CRISP2: variants seen among roughly 807,000 people sequenced by gnomAD.
CRISP2 encodes the protein cysteine-rich secretory protein 2.
Under a neutral mutation model 31.7 loss-of-function variants are expected in CRISP2, and 29 were observed. That is an observed-to-expected ratio of 0.92 (90% CI 0.68 to 1.25). The LOEUF (loss-of-function observed/expected upper bound fraction) is 1.25, where lower values mean the gene tolerates loss of function less well. Among genes scored for constraint, CRISP2 ranks in the 50% most tolerant of loss-of-function variants. CRISP2 has a pLI of 0.00. For missense variants in CRISP2, 318 were observed against 286.5 expected, an observed-to-expected ratio of 1.11 and a Z score of -0.79; for synonymous variants, 111 against 101.4, an observed-to-expected ratio of 1.09 and a Z score of -0.57.
chr6:49,691,058 T>C (rs1764036558), downstream of CRISP2, among the ~76,000 whole-genome samples: 1 of 152,040 alleles, frequency 6.6e-6, no homozygotes, highest in Non-Finnish European at 1.5e-5. Flanking sequence ...AGGTTATTTT[T>C]TAGTCACTTC....
chr6:49,681,969 T>C, the CRISP2 span, among the ~76,000 whole-genome samples: 1 of 152,220 alleles, frequency 6.6e-6, no homozygotes, highest in Non-Finnish European at 1.5e-5. Flanking sequence ...ATTTAAATAA[T>C]TATTTACTAT....
downstream of CRISP2, among the ~76,000 whole-genome samples, chr6:49,692,086 A>G (rs1010700736): frequency 6.6e-6 from 1 of 152,096 alleles, no homozygotes; most frequent in African/African-American, 2.4e-5. Context: ...CGTTGGCTTT[A>G]AAAAAATCAA....
chr6:49,686,436 G>A, the CRISP2 span, among the ~76,000 whole-genome samples: 48 of 152,144 alleles, frequency 3.2e-4, no homozygotes, highest in Admixed American at 6.6e-4. Context: ...ATGCAACTTT[G>A]TTAGATATTG....
the CRISP2 span, among the ~76,000 whole-genome samples, chr6:49,683,159 A>AAAATAAATAAATAAAT: frequency 8.6e-4 from 122 of 141,638 alleles, no homozygotes; most frequent in East Asian, 2.8e-3. Context: ...ACTCCATCTC[A>AAAATAAATAAATAAAT]AAATAAATAA....
intron 6 of CRISP2, 82 bp from the exon 7 acceptor site, chr6:49,698,589 C>T (rs1429675295): frequency 1.4e-6 from 2 of 1,432,070 alleles, no homozygotes; most frequent in African/African-American, 1.4e-5. Context: ...AAGATGTTGC[C>T]TTTCAAACCC....
chr6:49,695,306 A>G (rs1764558688), intron 9 of CRISP2, among the ~76,000 whole-genome samples: 1 of 152,202 alleles, frequency 6.6e-6, no homozygotes, highest in Admixed American at 6.5e-5. Flanking sequence ...ACACAAAACA[A>G]TTATGAAATT....
intron 4 of CRISP2, among the ~76,000 whole-genome samples, chr6:49,701,868 A>AT (rs1561877385): frequency 2.9e-5 from 3 of 102,100 alleles, no homozygotes; most frequent in Non-Finnish European, 5.5e-5. Flanking sequence ...ATATTATTAT[A>AT]TATTATGTAT....
At chr6:49,683,082 C>A in the CRISP2 span, among the ~76,000 whole-genome samples, 1 of 151,492 alleles carries the variant, frequency 6.6e-6, no homozygotes, top group African/African-American at 2.4e-5. Flanking sequence ...TGCTTGAACC[C>A]GGAAGGCAGA....
At chr6:49,697,120 G>A (rs1435908698) in intron 8 of CRISP2, among the ~76,000 whole-genome samples, 5 of 152,076 alleles carry the variant, frequency 3.3e-5, no homozygotes, top group Non-Finnish European at 4.4e-5. Flanking sequence ...GCCCCCCACC[G>A]CAGCCTCCAG....
chr6:49,682,736 T>TTTTCTTC, the CRISP2 span, among the ~76,000 whole-genome samples: 1 of 148,932 alleles, frequency 6.7e-6, no homozygotes, highest in Non-Finnish European at 1.5e-5. Context: ...TCTTTTTCTT[T>TTTTCTTC]CTTTTTTCTT....
intron 9 of CRISP2, 81 bp from the exon 10 acceptor site, chr6:49,692,981 G>T (rs1240463833): frequency 1.4e-6 from 2 of 1,469,854 alleles, no homozygotes. Flanking sequence ...GTGTGGGGAG[G>T]GGGTAGGAGG....
At chr6:49,688,146 C>A (rs1763943863), downstream of CRISP2, among the ~76,000 whole-genome samples, 1 of 152,114 alleles carries the variant, frequency 6.6e-6, no homozygotes, top group South Asian at 2.1e-4. Flanking sequence ...CTAAGACAAG[C>A]AAAGTCTTAC....
chr6:49,695,761 T>C, intron 9 of CRISP2, 75 bp downstream of exon 9: 2 of 1,158,308 alleles, frequency 1.7e-6, no homozygotes, highest in Non-Finnish European at 2.4e-6. Flanking sequence ...CGTTAGGAGA[T>C]TTGTTAAATT....
intron 4 of CRISP2, among the ~76,000 whole-genome samples, chr6:49,708,361 A>G (rs1287356537): frequency 6.6e-6 from 1 of 152,216 alleles, no homozygotes; most frequent in Non-Finnish European, 1.5e-5. Context: ...ATGCTCAGAA[A>G]CTGTGAATGT....
At chr6:49,687,068 G>A in the CRISP2 span, among the ~76,000 whole-genome samples, 1 of 152,010 alleles carries the variant, frequency 6.6e-6, no homozygotes, top group Admixed American at 6.6e-5. Context: ...GGGGGGAGAG[G>A]GGAGGGAGAG....
intron 9 of CRISP2, among the ~76,000 whole-genome samples, chr6:49,695,276 G>A (rs928296785): frequency 6.6e-6 from 1 of 152,012 alleles, no homozygotes; most frequent in Non-Finnish European, 1.5e-5. Context: ...TATATAGATT[G>A]AGTTTTGTCA....
chr6:49,679,828 C>A, the CRISP2 span, among the ~76,000 whole-genome samples: 4 of 152,102 alleles, frequency 2.6e-5, no homozygotes, highest in African/African-American at 9.7e-5. Context: ...GCCTCAGCCT[C>A]CCAAGTAGCT....
At position 49,692,637 on chromosome 6, in the gene CRISP2, G is replaced by T; in HGVS notation, c.*136C>A. 1.3e-6 allele frequency: 1 copy of T among 783,522 alleles called. No homozygotes were observed. Among genetic ancestry groups the T allele is most frequent in the Non-Finnish European group, 2.0e-6 (1 of 508,210 alleles). 48.5% of individuals were successfully genotyped at this position (783,522 alleles called of 1,614,324 possible). ...ATCATTGCCTGAAAGTGATTTCTGT[G>T]ATGATCTGGGGGAGAAGATGCATTG... On this transcript the variant is annotated 3_prime_UTR_variant, in exon 10 of 10. Transcript: ENST00000339139.
Position 49,702,076 on chromosome 6 carries a change from GTAATATATA to G in CRISP2, c.67-1301_67-1293del, listed in dbSNP as rs1766084659. ...TTATATATGTATACATTAATATAAT[GTAATATATA>G]TTATATATATTATATATGTATACTT... On this transcript the variant is annotated intron_variant, in intron 4 of 9. Transcript: ENST00000339139. 5.8e-5 allele frequency among the ~76,000 whole-genome samples: 6 copies of G among 103,484 alleles called. No individual in the cohort carries two copies. In the South Asian group the frequency reaches 1.7e-3, roughly 29 times the overall value. 67.9% of individuals were successfully genotyped at this position (103,484 alleles called of 152,430 possible).
Sources: gnomAD v4.1 joint callset for allele counts (sites outside exome capture counted in the v4.1 genomes callset) on GRCh38, gnomAD v4.1.1 for gene constraint, MANE v1.5 for transcripts, NCBI Gene and HGNC (gene_info 2026-07-23, HGNC 2026-07-21) for gene names.